Variants in ANKAR observed in about 807,000 individuals in gnomAD.
ANKAR encodes the protein ankyrin and armadillo repeat-containing protein.
Under a neutral mutation model 146.2 loss-of-function variants are expected in ANKAR, and 136 were observed. The observed-to-expected ratio is 0.93, with a 90% confidence interval of 0.81 to 1.07. The LOEUF (loss-of-function observed/expected upper bound fraction) is 1.07, where lower values mean the gene tolerates loss of function less well. ANKAR is among the 50% of genes least tolerant of loss of function. The probability of loss-of-function intolerance (pLI) is 0.00; values close to 1 mark genes in which losing one functional copy is unlikely to be tolerated. For synonymous variants in ANKAR, 500 were observed against 575.8 expected (o/e 0.87, Z 1.88); for missense variants, 1,567 against 1,679.9 (o/e 0.93, Z 1.18).
chr2:189,746,421 A>G lies in ANKAR; in HGVS notation c.4099A>G (p.Lys1367Glu). The G allele has an allele frequency of 6.2e-7, 1 of 1,607,798 alleles. No homozygotes were observed. The stretch of plus-strand genomic sequence containing the variant: ...AAAATTAAAACCTAAAATTCAACCA[A>G]AAGATTCTTTGACTTTATTACCTCC... The part of the protein sequence containing the change: ...RRKLKPKIQP[K>E]DSLTLLPPVT... Residue 1367 changes from lysine to glutamate, a missense_variant, in exon 23 of 23, where the codon AAA becomes GAA. Physicochemically the swap from Lys to Glu is moderately conservative, Grantham distance 56 (BLOSUM62 1). Coordinates refer to ENST00000684021, the MANE Select transcript of ANKAR (RefSeq NM_001378068.1).
chr2:189,692,539 A>T, intron 4 of ANKAR, 121 bp downstream of exon 4: 1 of 836,934 alleles, frequency 1.2e-6, no homozygotes, highest in Non-Finnish European at 1.8e-6. Flanking sequence ...TATTCTCACA[A>T]CTCAATAATT....
At chr2:189,742,820 A>G (rs912396364) in intron 20 of ANKAR, among the ~76,000 whole-genome samples, 6 of 134,396 alleles carry the variant, frequency 4.5e-5, no homozygotes, top group African/African-American at 1.5e-4. Context: ...TTGGTGGCAC[A>G]TTAGAATTAC....
chr2:189,692,234 A>G (rs1159573801), intron 3 of ANKAR, 21 bp from the exon 4 acceptor site: 1 of 1,579,376 alleles, frequency 6.3e-7, no homozygotes, highest in Non-Finnish European at 8.6e-7. Flanking sequence ...TTTAAATAAA[A>G]ATTTGTTTTC....
chr2:189,725,973 T>C (rs2041839628), intron 12 of ANKAR, among the ~76,000 whole-genome samples: 1 of 152,120 alleles, frequency 6.6e-6, no homozygotes, highest in Non-Finnish European at 1.5e-5. Flanking sequence ...GCCCTCATCC[T>C]GATAACAACT....
chr2:189,692,930 G>A (rs766163093), intron 4 of ANKAR, 144 bp from the exon 5 acceptor site: 50 of 456,382 alleles, frequency 1.1e-4, no homozygotes, highest in Admixed American at 2.2e-4. Flanking sequence ...GTAAGGATTA[G>A]ATATATTCAG....
At chr2:189,711,835 C>A (rs927959136) in intron 10 of ANKAR, among the ~76,000 whole-genome samples, 1 of 152,252 alleles carries the variant, frequency 6.6e-6, no homozygotes, top group Non-Finnish European at 1.5e-5. Context: ...ATTTCCCTTT[C>A]CTTGCCAAGG....
chr2:189,720,661 GA>G lies in ANKAR; in HGVS notation c.2513del (p.Asn838MetfsTer3). On this transcript the variant is annotated frameshift_variant, in exon 12 of 23. Transcript: ENST00000684021. LOFTEE classifies it high-confidence loss of function. Reference sequence around the variant, plus strand: ...GATAAATCTATTGAACTTAAACATAGAAAATGTGCTAGTAAATGTAATGAAC... The same window carrying G: ...GATAAATCTATTGAACTTAAACATAGAAATGTGCTAGTAAATGTAATGAAC... ...SLINLLNLNI[E>X]NVLVNVMNCI... The G allele has an allele frequency of 7.2e-7, 1 of 1,397,180 alleles. No individual in the cohort carries two copies. The highest frequency in any genetic ancestry group is 9.4e-7 in the Non-Finnish European group (1 of 1,067,958). 86.5% of individuals were successfully genotyped at this position (1,397,180 alleles called of 1,614,324 possible). A position where few individuals can be genotyped will look rare whatever the true frequency, so the allele number is the denominator to read the frequency against.
At chr2:189,762,555 G>A (rs1196485699), downstream of ANKAR, 70 of 978,498 alleles carry the variant, frequency 7.2e-5, no homozygotes, top group Non-Finnish European at 8.3e-5. Flanking sequence ...GAAAGCTGCA[G>A]GCTGAACCCA....
At chr2:189,758,057 G>A (rs1447760028) in intron 18 of ANKAR, among the ~76,000 whole-genome samples, 1 of 152,098 alleles carries the variant, frequency 6.6e-6, no homozygotes, top group African/African-American at 2.4e-5. Context: ...ACTGTGTCGC[G>A]ATAGTCAATG....
rs1156565215 is a variant in ANKAR, at chr2:189,676,566, G to A, written c.76G>A (p.Ala26Thr). ...TGAAGACACCTACCTGGAAAATTTA[G>A]CAATACAAAGAAATGCATCTGCTTT... ...QDEDTYLENLAIQRNASAFFE... is the reference protein window; with the variant it reads ...QDEDTYLENLTIQRNASAFFE... The change falls in exon 2 of 23, where the codon GCA becomes ACA. Residue 26 changes from alanine (A) to threonine (T), a missense_variant. Coordinates refer to ENST00000684021, the MANE Select transcript of ANKAR (RefSeq NM_001378068.1). The A allele has an allele frequency of 4.4e-6, 7 of 1,608,508 alleles. No individual in the cohort carries two copies. In the South Asian group the frequency reaches 6.6e-5, roughly 15 times the overall value.
At chr2:189,701,260 A>G (rs1451790490) in intron 7 of ANKAR, among the ~76,000 whole-genome samples, 1 of 151,278 alleles carries the variant, frequency 6.6e-6, no homozygotes, top group Non-Finnish European at 1.5e-5. Context: ...TTTTTGAGAC[A>G]GGGTATTTAT....
rs775303915 is a variant in ANKAR at position 189,689,561 on chromosome 2, T to C, written c.636T>C (p.Asn212=). 1.2e-6 allele frequency: 2 copies of C among 1,602,088 alleles called. No homozygotes were observed. Among genetic ancestry groups the C allele is most frequent in the African/African-American group, 2.7e-5 (2 of 74,310 alleles). Residue 212 remains asparagine (N), a synonymous_variant, in exon 3 of 23, where the codon AAT becomes AAC. Transcript: ENST00000684021. Reference sequence around the variant, plus strand: ...ATATTACAAAGGATCCAGACTTTAATGAAATCTATGATGAAGACGTGAATG... The same window carrying C: ...ATATTACAAAGGATCCAGACTTTAACGAAATCTATGATGAAGACGTGAATG... The part of the protein sequence containing the change: ...LTDITKDPDF[N]EIYDEDVNED...
At chr2:189,741,575 A>C (rs2043333704) in intron 20 of ANKAR, 124 bp downstream of exon 20, 1 of 540,936 alleles carries the variant, frequency 1.8e-6, no homozygotes, top group African/African-American at 2.0e-5. Flanking sequence ...TCTTATTACT[A>C]ACTCAAAATT....
chr2:189,733,898 C>T (rs908699803), intron 17 of ANKAR, among the ~76,000 whole-genome samples: 22 of 151,636 alleles, frequency 1.5e-4, no homozygotes, highest in Middle Eastern at 3.4e-3. Context: ...AATGTCTTGT[C>T]TCTTTAGCCT....
At chr2:189,744,828 C>T in intron 22 of ANKAR, 40 bp downstream of exon 22, 1 of 1,425,144 alleles carries the variant, frequency 7.0e-7, no homozygotes, top group Non-Finnish European at 9.8e-7. Flanking sequence ...ACCTTCTAGC[C>T]CAGACACTTT....
At chr2:189,753,948 T>C in intron 18 of ANKAR, 1 of 1,613,772 alleles carries the variant, frequency 6.2e-7, no homozygotes, top group Non-Finnish European at 8.5e-7. Flanking sequence ...AACAAGTCTC[T>C]CTGCTTACAA....
intron 20 of ANKAR, among the ~76,000 whole-genome samples, chr2:189,742,955 CACACACACACACACACACACACACA>C (rs1559147840): frequency 1.4e-5 from 2 of 143,752 alleles, no homozygotes; most frequent in African/African-American, 2.7e-5. Context: ...CACACACACA[CACACACACACACACACACACACACA>C]CCCCTGAAAG....
chr2:189,762,166 A>G (rs1407178037), downstream of ANKAR, among the ~76,000 whole-genome samples: 3 of 152,180 alleles, frequency 2.0e-5, no homozygotes, highest in Non-Finnish European at 4.4e-5. Context: ...CCTAACACCT[A>G]TTTTATCCTT....
chr2:189,733,335 A>G (rs116203695), intron 17 of ANKAR, 106 bp downstream of exon 17: 41,948 of 960,134 alleles, frequency 0.044, 1,035 homozygotes, highest in South Asian at 0.069. Flanking sequence ...TGTATTGTTT[A>G]AGAAAAGACA....
Sources: gnomAD v4.1 joint callset for allele counts (sites outside exome capture counted in the v4.1 genomes callset) on GRCh38, gnomAD v4.1.1 for gene constraint, MANE v1.5 for transcripts, NCBI Gene and HGNC (gene_info 2026-07-23, HGNC 2026-07-21) for gene names.